The following DCDC2 variants were observed in gnomAD, a reference collection of about 807,000 sequenced individuals.
The protein encoded by DCDC2 is doublecortin domain containing 2, also known as doublecortin domain-containing protein 2.
In DCDC2, 40 loss-of-function variants were observed where a neutral mutation model predicts 50.2. That is an observed-to-expected ratio of 0.80 (90% CI 0.62 to 1.04). The LOEUF is 1.04. Among genes scored for constraint, DCDC2 ranks in the 50% least tolerant of loss-of-function variants. The pLI is 0.00. For missense variants in DCDC2, 570 were observed against 581.9 expected (o/e 0.98, Z 0.21); for synonymous variants, 234 against 210.6 (o/e 1.11, Z -0.96).
At position 24,172,338 on chromosome 6, in the gene DCDC2, A is replaced by G. The variant is rs1327869176; in HGVS notation, c.*2392T>C. ...GTGGTAAAATATGCACACACAAGGG[A>G]TGAATATGTCCCCATTTTTAAGTTT... On this transcript the variant is annotated 3_prime_UTR_variant, in exon 10 of 10. Coordinates refer to ENST00000378454, the MANE Select transcript of DCDC2 (RefSeq NM_016356.5). 6.6e-6 allele frequency: 1 copy of G among 152,212 alleles called. No homozygotes were observed. The highest frequency in any genetic ancestry group is 1.5e-5 in the Non-Finnish European group (1 of 68,036). The allele number at this position is 152,212 out of a possible 1,614,324, so 9.4% of individuals were successfully genotyped here.
chr6:24,357,777 C>T lies in DCDC2; in HGVS notation c.-27G>A. 1 of 1,611,958 alleles carries T rather than the reference C, an allele frequency of 6.2e-7. No homozygotes were observed. Among genetic ancestry groups the T allele is most frequent in the Non-Finnish European group, 8.5e-7 (1 of 1,179,228 alleles). On this transcript the variant is annotated 5_prime_UTR_variant, in exon 1 of 10. Transcript: ENST00000378454. Reference sequence around the variant, plus strand: ...TTCCCCGCTGGCCGCCGCCTCAGCTCGCTGCTTCGCGTCGGGAGGCACCTC... The same window carrying T: ...TTCCCCGCTGGCCGCCGCCTCAGCTTGCTGCTTCGCGTCGGGAGGCACCTC...
At chr6:24,362,239 T>C (rs1760676648), upstream of DCDC2, among the ~76,000 whole-genome samples, 1 of 150,230 alleles carries the variant, frequency 6.7e-6, no homozygotes, top group African/African-American at 2.4e-5. Flanking sequence ...ACAATTTTTA[T>C]TTAATTGTAT....
At chr6:24,221,240 C>G (rs62403468) in intron 7 of DCDC2, among the ~76,000 whole-genome samples, 20,699 of 151,972 alleles carry the variant, frequency 0.14, 1,493 homozygotes, top group East Asian at 0.17. Flanking sequence ...ACTTCTAAGA[C>G]CGTCAGAATT....
chr6:24,229,798 AAAC>A (rs1309717763), intron 7 of DCDC2, among the ~76,000 whole-genome samples: 1 of 152,196 alleles, frequency 6.6e-6, no homozygotes, highest in Non-Finnish European at 1.5e-5. Context: ...CTTCAGCACC[AAAC>A]AACAGGAAGG....
chr6:24,268,655 C>A (rs1034005506), intron 7 of DCDC2, among the ~76,000 whole-genome samples: 1 of 152,162 alleles, frequency 6.6e-6, no homozygotes, highest in Middle Eastern at 3.4e-3. Context: ...CACTGCAACC[C>A]CTGCCTCCTG....
chr6:24,220,879 A>AGCGAGCGAGAGAGT (rs1554146328), intron 7 of DCDC2, among the ~76,000 whole-genome samples: 13 of 107,028 alleles, frequency 1.2e-4, no homozygotes, highest in East Asian at 5.2e-4. Context: ...CAAGAGAGCG[A>AGCGAGCGAGAGAGT]GAGCGAGAGA....
chr6:24,346,152 T>TAAAAAAA (rs58725760), intron 2 of DCDC2, among the ~76,000 whole-genome samples: 1 of 133,100 alleles, frequency 7.5e-6, no homozygotes, highest in Non-Finnish European at 1.6e-5. Context: ...AGACTCTGTC[T>TAAAAAAA]AAAAAAAAAA....
chr6:24,360,790 G>A (rs1390781175), upstream of DCDC2, among the ~76,000 whole-genome samples: 2 of 152,052 alleles, frequency 1.3e-5, no homozygotes, highest in African/African-American at 4.8e-5. Flanking sequence ...CTATAACCAT[G>A]GACCAGGCAT....
Position 24,226,753 on chromosome 6 carries a change from C to T in DCDC2, c.923-21651G>A, listed in dbSNP as rs576309591. On this transcript the variant is annotated intron_variant, in intron 7 of 9. Transcript: ENST00000378454. ...TTCCACAGCTATGTTGGAAATAGAC[C>T]GAACAGTATCCTGTGGGAGGTAGCA... is the stretch of plus-strand genomic sequence containing the variant. Among the ~76,000 whole-genome samples, 264 of 152,188 alleles carry T rather than the reference C, an allele frequency of 1.7e-3. 1 individual carries two copies. Among genetic ancestry groups the T allele is most frequent in the Non-Finnish European group, 2.7e-3 (181 of 68,020 alleles).
chr6:24,178,773 A>C, intron 8 of DCDC2, 141 bp from the exon 9 acceptor site: 1 of 735,806 alleles, frequency 1.4e-6, no homozygotes. Flanking sequence ...TATAGAACGC[A>C]CTTACGTTTA....
chr6:24,321,537 T>C (rs773348462), intron 2 of DCDC2, among the ~76,000 whole-genome samples: 1 of 152,160 alleles, frequency 6.6e-6, no homozygotes, highest in Non-Finnish European at 1.5e-5. Context: ...CTCCCTCCCT[T>C]CCTTTTTATC....
At chr6:24,211,276 T>C (rs1761863266) in intron 7 of DCDC2, among the ~76,000 whole-genome samples, 1 of 152,238 alleles carries the variant, frequency 6.6e-6, no homozygotes. Context: ...CCAATCTGGC[T>C]ACACTTGGCA....
At chr6:24,267,116 T>C (rs2113810535) in intron 7 of DCDC2, among the ~76,000 whole-genome samples, 1 of 152,208 alleles carries the variant, frequency 6.6e-6, no homozygotes, top group African/African-American at 2.4e-5. Flanking sequence ...ACAATTAAAC[T>C]CACGAAGATA....
chr6:24,300,962 C>T (rs1173978751), intron 4 of DCDC2, among the ~76,000 whole-genome samples: 2 of 152,004 alleles, frequency 1.3e-5, no homozygotes, highest in Admixed American at 1.3e-4. Context: ...CTTTCTATGC[C>T]TCCTCTTTAA....
At chr6:24,268,170 A>G (rs944701877) in intron 7 of DCDC2, among the ~76,000 whole-genome samples, 1 of 152,184 alleles carries the variant, frequency 6.6e-6, no homozygotes, top group Non-Finnish European at 1.5e-5. Flanking sequence ...CATGAAACTC[A>G]TTACCAGAAG....
At chr6:24,316,288 A>C (rs1482410304) in intron 2 of DCDC2, among the ~76,000 whole-genome samples, 1 of 152,200 alleles carries the variant, frequency 6.6e-6, no homozygotes, top group East Asian at 1.9e-4. Flanking sequence ...AGTAGAAAGC[A>C]AAGAAAATGG....
At chr6:24,210,019 G>GGGAT (rs1360438467) in intron 7 of DCDC2, among the ~76,000 whole-genome samples, 1 of 145,198 alleles carries the variant, frequency 6.9e-6, no homozygotes, top group African/African-American at 2.6e-5. Flanking sequence ...GCAGTATCAG[G>GGGAT]GTGTGTGTGT....
Position 24,205,058 on chromosome 6 carries a change from C to A in DCDC2, c.967G>T (p.Gly323Trp). The change falls in exon 8 of 10, where the codon GGG becomes TGG. Residue 323 changes from glycine to tryptophan, a missense_variant. Physicochemically the swap from Gly to Trp is radical, Grantham distance 184. Coordinates refer to ENST00000378454, the MANE Select transcript of DCDC2 (RefSeq NM_016356.5). ...TCATCTTCTTGGACTTCTGCTGCCCCCCGTGTTTCAGACCTCTCTGCTCCA... is the reference window on the plus strand; with the variant it reads ...TCATCTTCTTGGACTTCTGCTGCCCACCGTGTTTCAGACCTCTCTGCTCCA... ...KAGAERSETR[G>W]AAEVQEDEDT... 1 of 1,614,090 alleles carries A rather than the reference C, an allele frequency of 6.2e-7. No homozygotes were observed. Among genetic ancestry groups the A allele is most frequent in the Non-Finnish European group, 8.5e-7 (1 of 1,179,992 alleles).
intron 8 of DCDC2, among the ~76,000 whole-genome samples, chr6:24,200,484 T>C (rs554880239): frequency 1.3e-3 from 198 of 152,274 alleles, no homozygotes; most frequent in African/African-American, 4.6e-3. Context: ...CCACCAAGCC[T>C]GCCTTACAAG....
Sources: gnomAD v4.1 joint callset for allele counts (sites outside exome capture counted in the v4.1 genomes callset) on GRCh38, gnomAD v4.1.1 for gene constraint, MANE v1.5 for transcripts, NCBI Gene and HGNC (gene_info 2026-07-23, HGNC 2026-07-21) for gene names.